NAV1: variants seen among roughly 807,000 people sequenced by gnomAD.
The protein encoded by NAV1 is pore membrane and/or filament interacting like protein 3.
Under a neutral mutation model 175.2 loss-of-function variants are expected in NAV1, and 18 were observed. The ratio of observed to expected loss-of-function variants is 0.10; its 90% confidence interval spans 0.07 to 0.15. NAV1 has a LOEUF of 0.15. Ranked by LOEUF, NAV1 falls within the 10% of genes least tolerant of loss-of-function variation. The probability of loss-of-function intolerance (pLI) is 1.00; values close to 1 mark genes in which losing one functional copy is unlikely to be tolerated. For missense variants in NAV1, 1,731 were observed against 2,436.6 expected (o/e 0.71, Z 6.10); for synonymous variants, 897 against 978.7 (o/e 0.92, Z 1.56).
In NAV1 at chr1:201,812,700, C is replaced by T. The variant is rs1678765504; in HGVS notation, c.5221+39C>T. ...GCTTCCCCCGGGGGTCAGGAGGTGG[C>T]TTCCCTTTTCCACTGTACCACCTGG... On this transcript the variant is annotated intron_variant, in intron 27 of 29. Coordinates refer to ENST00000367296, the Ensembl canonical transcript of NAV1. This position sits in a 1 kb window ranked among gnomAD's most constrained non-coding sequence, Gnocchi z 4.6. The T allele has an allele frequency of 1.9e-6, 3 of 1,579,206 alleles. No individual in the cohort carries two copies. Among genetic ancestry groups the T allele is most frequent in the African/African-American group, 1.3e-5 (1 of 74,166 alleles).
chr1:201,626,035 C>T (rs528458301), intron 1 of NAV1, among the ~76,000 whole-genome samples: 2 of 152,214 alleles, frequency 1.3e-5, no homozygotes, highest in South Asian at 4.1e-4. Flanking sequence ...CCTGACTCAT[C>T]ACCATGGTGG....
chr1:201,807,946 T>C lies in NAV1; in HGVS notation c.3649-7T>C, dbSNP rs1558188336. 6.2e-7 allele frequency: 1 copy of C among 1,614,158 alleles called. No homozygotes were observed. Among genetic ancestry groups the C allele is most frequent in the Non-Finnish European group, 8.5e-7 (1 of 1,180,022 alleles). Reference sequence around the variant, plus strand: ...ATGTCCCTCTACCTGGATCTGCTTTTTTCTAGCTTCGAAGTTCCTTCAACA... The same window carrying C: ...ATGTCCCTCTACCTGGATCTGCTTTCTTCTAGCTTCGAAGTTCCTTCAACA... On this transcript the variant is annotated splice_region_variant and splice_polypyrimidine_tract_variant and intron_variant, in intron 17 of 29. Transcript: ENST00000367296. This position sits in a 1 kb window ranked among gnomAD's most constrained non-coding sequence, Gnocchi z 5.4.
chr1:201,552,913 G>A (rs779940534), intron 1 of NAV1, among the ~76,000 whole-genome samples: 1 of 152,158 alleles, frequency 6.6e-6, no homozygotes, highest in Non-Finnish European at 1.5e-5. Context: ...TGGACGGGTG[G>A]AAGGGTTATC....
At chr1:201,720,751 G>A (rs1672348453) in intron 3 of NAV1, among the ~76,000 whole-genome samples, 1 of 152,160 alleles carries the variant, frequency 6.6e-6, no homozygotes, top group Non-Finnish European at 1.5e-5. Flanking sequence ...AATAATTCCT[G>A]GCTCATTGTA....
intron 1 of NAV1, chr1:201,674,055 T>G (rs955279007): frequency 7.2e-5 from 11 of 152,172 alleles, no homozygotes; most frequent in African/African-American, 2.4e-4. Flanking sequence ...CTGCCAGGCC[T>G]GGCAGGTGGC....
intron 15 of NAV1, among the ~76,000 whole-genome samples, chr1:201,801,282 A>G (rs913092943): frequency 6.6e-6 from 1 of 152,208 alleles, no homozygotes; most frequent in Admixed American, 6.5e-5. Flanking sequence ...CTGTAGTATC[A>G]AGGGAAAATT....
In NAV1 at chr1:201,768,375, T is replaced by C. The variant is rs969662466; in HGVS notation, c.1227-12046T>C. Among the ~76,000 whole-genome samples the C allele has an allele frequency of 1.2e-4, 18 of 149,156 alleles. No individual in the cohort carries two copies. In the South Asian group the frequency reaches 3.3e-3, roughly 28 times the overall value. Reference sequence around the variant, plus strand: ...GAGTAAGTACAGGCATGGTGGCTCATGCCTGTAATCCTAGCATTTTGGGAG... The same window carrying C: ...GAGTAAGTACAGGCATGGTGGCTCACGCCTGTAATCCTAGCATTTTGGGAG... On this transcript the variant is annotated intron_variant, in intron 3 of 29. Transcript: ENST00000367296.
chr1:201,746,627 G>A (rs1673783431), intron 3 of NAV1, among the ~76,000 whole-genome samples: 1 of 152,146 alleles, frequency 6.6e-6, no homozygotes, highest in Non-Finnish European at 1.5e-5. Flanking sequence ...GAAGATTTAT[G>A]CCCAGGTCAA....
intron 3 of NAV1, among the ~76,000 whole-genome samples, chr1:201,757,081 T>C (rs1359408579): frequency 6.6e-6 from 1 of 152,034 alleles, no homozygotes; most frequent in Non-Finnish European, 1.5e-5. Flanking sequence ...CATCCCACAG[T>C]GTCATAATGT....
At position 201,678,249 on chromosome 1, in the gene NAV1, C is replaced by T. The variant is rs138717805; in HGVS notation, c.757+28824C>T. 1.6e-3 allele frequency among the ~76,000 whole-genome samples: 246 copies of T among 152,298 alleles called. 6 individuals carry two copies. The highest frequency in any genetic ancestry group is 0.013 in the Admixed American group (200 of 15,296). On this transcript the variant is annotated intron_variant, in intron 1 of 29. Transcript: ENST00000367296. ...TTGTGGAAATACTAGAACACAAGTC[C>T]GGGCCTCCTACCTCTCAACGTAAGC... is the stretch of plus-strand genomic sequence containing the variant.
intron 1 of NAV1, among the ~76,000 whole-genome samples, chr1:201,573,009 A>G (rs775275156): frequency 5.3e-5 from 8 of 152,188 alleles, no homozygotes; most frequent in African/African-American, 1.9e-4. Context: ...GGTCAGCTCC[A>G]TCTGAAACTA....
chr1:201,665,437 T>C (rs1178525471), intron 1 of NAV1, among the ~76,000 whole-genome samples: 1 of 152,112 alleles, frequency 6.6e-6, no homozygotes, highest in East Asian at 1.9e-4. Flanking sequence ...CTCATGGAGA[T>C]GGGGTGAGGC....
At chr1:201,713,071 A>G in intron 2 of NAV1, 152 bp downstream of exon 6, 1 of 604,356 alleles carries the variant, frequency 1.7e-6, no homozygotes, top group Non-Finnish European at 3.0e-6. Context: ...GAGGAAATCC[A>G]TTTATCTCAA....
intron 7 of NAV1, among the ~76,000 whole-genome samples, chr1:201,785,065 G>A (rs1676632865): frequency 6.6e-6 from 1 of 152,222 alleles, no homozygotes; most frequent in Non-Finnish European, 1.5e-5. Context: ...ACGGCGCCCG[G>A]CCTAACCATG....
In NAV1 at chr1:201,788,627, C is replaced by CTGT; in HGVS notation, c.3155_3156insTGT (p.Pro1052_Thr1053insVal). On this transcript the variant is annotated inframe_insertion, in exon 10 of 30. Coordinates refer to ENST00000367296, the Ensembl canonical transcript of NAV1. The surrounding 1 kb of genome is among the most constrained non-coding windows in gnomAD (Gnocchi z 5.7). ...ATTCGGTCAGGATCCTTCCGAGACC[C>CTGT]CACGGACGATGGTGAGACTTCATGC... The CTGT allele has an allele frequency of 6.2e-7, 1 of 1,611,936 alleles. No individual in the cohort carries two copies. Among genetic ancestry groups the CTGT allele is most frequent in the Non-Finnish European group, 8.5e-7 (1 of 1,178,690 alleles).
chr1:201,612,947 T>G (rs1211657193), intron 2 of NAV1, among the ~76,000 whole-genome samples: 1 of 152,118 alleles, frequency 6.6e-6, no homozygotes, highest in Non-Finnish European at 1.5e-5. Context: ...CACACTTCTC[T>G]CTTGCCTGAG....
At chr1:201,640,049 A>C (rs1287883379) in intron 2 of NAV1, among the ~76,000 whole-genome samples, 2 of 152,072 alleles carry the variant, frequency 1.3e-5, no homozygotes, top group African/African-American at 4.8e-5. Context: ...AGCTCCCCCG[A>C]GACGGTTGAG....
At chr1:201,610,445 T>C (rs193028791) in intron 2 of NAV1, among the ~76,000 whole-genome samples, 2 of 152,280 alleles carry the variant, frequency 1.3e-5, no homozygotes, top group Admixed American at 1.3e-4. Context: ...GGAAGTGAAC[T>C]TGGATTCTTA....
intron 1 of NAV1, among the ~76,000 whole-genome samples, chr1:201,565,495 G>A (rs925039287): frequency 1.3e-5 from 2 of 152,184 alleles, no homozygotes; most frequent in African/African-American, 2.4e-5. Context: ...TGCCAGCAGC[G>A]GGCATGGGGC....
Sources: gnomAD v4.1 joint callset for allele counts (sites outside exome capture counted in the v4.1 genomes callset) on GRCh38, gnomAD v4.1.1 for gene constraint, Gnocchi (gnomAD v3.1) non-coding constraint, MANE v1.5 for transcripts, NCBI Gene and HGNC (gene_info 2026-07-23, HGNC 2026-07-21) for gene names.